EXOC3L2: variants seen among roughly 807,000 people sequenced by gnomAD.
EXOC3L2 encodes exocyst complex component 3-like protein 2.
A neutral mutation model predicts 44.4 loss-of-function variants in EXOC3L2; 17 were observed. The ratio of observed to expected loss-of-function variants is 0.38; its 90% confidence interval spans 0.26 to 0.57. The LOEUF is 0.57. Ranked by LOEUF, EXOC3L2 falls within the 20% of genes least tolerant of loss-of-function variation. The probability of loss-of-function intolerance (pLI) is 0.65; values close to 1 mark genes in which losing one functional copy is unlikely to be tolerated. For missense variants in EXOC3L2, 541 were observed against 588.4 expected (o/e 0.92, Z 0.83); for synonymous variants, 256 against 253.7 (o/e 1.01, Z -0.09).
At position 45,234,516 on chromosome 19, in the gene EXOC3L2, A is replaced by T. The variant is rs1001344003; in HGVS notation, c.834T>A (p.Gly278=). ...VQEEAADGRR[G]PGAARKLRAR... is the part of the protein sequence containing the mutation. ...CGCGTAGTTTGCGGGCCGCCCCGGG[A>T]CCCCGACGCCCGTCGGCCGCCTCCT... The change falls in exon 3 of 12, where the codon GGT becomes GGA. Residue 278 remains glycine, a synonymous_variant. Coordinates refer to ENST00000413988, the MANE Select transcript of EXOC3L2 (RefSeq NM_001382422.1). The surrounding 1 kb of genome is among the most constrained non-coding windows in gnomAD (Gnocchi z 5.0). The T allele has an allele frequency of 4.0e-6, 1 of 247,452 alleles. No homozygotes were observed. The highest frequency in any genetic ancestry group is 2.3e-5 in the African/African-American group (1 of 42,966). 15.3% of individuals were successfully genotyped at this position (247,452 alleles called of 1,614,324 possible).
chr19:45,239,000 G>A lies in EXOC3L2; in HGVS notation c.46C>T (p.Arg16Trp), dbSNP rs921879146. The A allele has an allele frequency of 1.3e-5, 5 of 399,084 alleles. No individual in the cohort carries two copies. Among genetic ancestry groups the A allele is most frequent in the Non-Finnish European group, 2.2e-5 (5 of 226,106 alleles). The allele number at this position is 399,084 out of a possible 1,614,324, so 24.7% of individuals were successfully genotyped here. The change falls in exon 2 of 12, where the codon CGG (arginine) becomes TGG (tryptophan). Residue 16 changes from arginine (R) to tryptophan (W), a missense_variant. Coordinates refer to ENST00000413988, the MANE Select transcript of EXOC3L2 (RefSeq NM_001382422.1). This position sits in a 1 kb window ranked among gnomAD's most constrained non-coding sequence, Gnocchi z 5.5. Reference sequence around the variant, plus strand: ...GACCTCAGGGGCAGGGTCCCCGCCCGGGGCACCTTAGGGTCTGACACTCCC... The same window carrying A: ...GACCTCAGGGGCAGGGTCCCCGCCCAGGGCACCTTAGGGTCTGACACTCCC... Reference protein sequence around the residue: ...NLGVSDPKVPRAGTLPLRSSR... With the variant: ...NLGVSDPKVPWAGTLPLRSSR...
chr19:45,235,300 A>AAAAT (rs909699012), intron 2 of EXOC3L2, among the ~76,000 whole-genome samples: 4 of 152,102 alleles, frequency 2.6e-5, no homozygotes, highest in African/African-American at 9.7e-5. Flanking sequence ...CTCTATCTCA[A>AAAAT]AAATAAATAA....
At chr19:45,243,222 G>A (rs936727434) in intron 1 of EXOC3L2, among the ~76,000 whole-genome samples, 1 of 152,164 alleles carries the variant, frequency 6.6e-6, no homozygotes, top group Non-Finnish European at 1.5e-5. Context: ...TGTGTAAAGG[G>A]TCAGATGTTC....
At chr19:45,214,456 GTGTTTGTTTGTT>G (rs57770472) in intron 11 of EXOC3L2, among the ~76,000 whole-genome samples, 1 of 151,328 alleles carries the variant, frequency 6.6e-6, no homozygotes, top group South Asian at 2.1e-4. Flanking sequence ...GTTTTTTTGT[GTGTTTGTTTGTT>G]TGTTTGTTTG....
chr19:45,244,197 A>T (rs573860641), intron 1 of EXOC3L2, among the ~76,000 whole-genome samples: 1 of 152,258 alleles, frequency 6.6e-6, no homozygotes, highest in African/African-American at 2.4e-5. Flanking sequence ...CTGGGATTAC[A>T]GTCATGAGCC....
At chr19:45,216,812 A>G (rs1969840208) in intron 10 of EXOC3L2, 1 of 152,116 alleles carries the variant, frequency 6.6e-6, no homozygotes, top group African/African-American at 2.4e-5. Flanking sequence ...CTGCATGTGA[A>G]TCTACAATTA....
At chr19:45,231,012 C>T (rs566670460) in intron 4 of EXOC3L2, among the ~76,000 whole-genome samples, 1 of 151,980 alleles carries the variant, frequency 6.6e-6, no homozygotes, top group African/African-American at 2.4e-5. Context: ...TCCCTTGAAC[C>T]CAGGAGTTCG....
At chr19:45,223,524 G>A (rs1969920903) in intron 8 of EXOC3L2, among the ~76,000 whole-genome samples, 1 of 151,608 alleles carries the variant, frequency 6.6e-6, no homozygotes, top group Admixed American at 6.6e-5. Context: ...TGTAATTTTA[G>A]TAGAGACGGG....
At chr19:45,233,013 C>G (rs1970046963) in intron 3 of EXOC3L2, among the ~76,000 whole-genome samples, 1 of 152,134 alleles carries the variant, frequency 6.6e-6, no homozygotes, top group Non-Finnish European at 1.5e-5. Context: ...GTTAGGAGTT[C>G]AAGACCAGCC....
At chr19:45,235,246 G>C (rs1006980262) in intron 2 of EXOC3L2, among the ~76,000 whole-genome samples, 1 of 152,156 alleles carries the variant, frequency 6.6e-6, no homozygotes, top group African/African-American at 2.4e-5. Flanking sequence ...AGTGAGCCGA[G>C]ATCGCGCCAC....
chr19:45,220,185 A>G (rs1020456101), intron 8 of EXOC3L2, among the ~76,000 whole-genome samples: 1 of 151,664 alleles, frequency 6.6e-6, no homozygotes, highest in African/African-American at 2.4e-5. Flanking sequence ...AAAATAAATA[A>G]ATAAATTAAT....
chr19:45,236,910 C>G (rs533237157), intron 2 of EXOC3L2, among the ~76,000 whole-genome samples: 1 of 150,982 alleles, frequency 6.6e-6, no homozygotes, highest in East Asian at 1.9e-4. Context: ...GAGGTTGAGA[C>G]AGGAGAATCG....
In EXOC3L2 at chr19:45,238,506, C is replaced by A; in HGVS notation, c.523+17G>T. 1 of 399,566 alleles carries A rather than the reference C, an allele frequency of 2.5e-6. No homozygotes were observed. Among genetic ancestry groups the A allele is most frequent in the South Asian group, 1.3e-4 (1 of 7,862 alleles). 24.8% of individuals were successfully genotyped at this position (399,566 alleles called of 1,614,324 possible). A position where few individuals can be genotyped will look rare whatever the true frequency, so the allele number is the denominator to read the frequency against. On this transcript the variant is annotated intron_variant, in intron 2 of 11. Transcript: ENST00000413988. This position sits in a 1 kb window ranked among gnomAD's most constrained non-coding sequence, Gnocchi z 5.5. ...CACTGGGATTCTCCCAGGACAGGGT[C>A]AGGGCTCCGGACTCACCTGACAATG...
intron 8 of EXOC3L2, among the ~76,000 whole-genome samples, chr19:45,218,552 C>A (rs1431890301): frequency 1.3e-5 from 2 of 152,042 alleles, no homozygotes; most frequent in Admixed American, 1.3e-4. Context: ...GACTCGGGAA[C>A]CCAGGGGTTT....
chr19:45,216,758 C>T (rs896990721), intron 10 of EXOC3L2: 7 of 152,448 alleles, frequency 4.6e-5, no homozygotes, highest in African/African-American at 1.7e-4. Flanking sequence ...GGGATGGAGA[C>T]TGGACAAAGT....
chr19:45,225,554 C>T (rs1416806232), intron 7 of EXOC3L2, among the ~76,000 whole-genome samples: 3 of 151,896 alleles, frequency 2.0e-5, no homozygotes, highest in African/African-American at 2.4e-5. Context: ...AGGCATGAGC[C>T]GCCGCACCCG....
At chr19:45,244,415 T>C (rs1280870359) in intron 1 of EXOC3L2, among the ~76,000 whole-genome samples, 1 of 152,122 alleles carries the variant, frequency 6.6e-6, no homozygotes, top group Non-Finnish European at 1.5e-5. Flanking sequence ...GCCTCCAAAC[T>C]GGATCCAACA....
intron 8 of EXOC3L2, among the ~76,000 whole-genome samples, chr19:45,219,010 G>A (rs1433131016): frequency 2.6e-5 from 4 of 151,962 alleles, no homozygotes; most frequent in Admixed American, 1.3e-4. Flanking sequence ...AGGCTGCGGC[G>A]GGTGGATCAC....
intron 1 of EXOC3L2, among the ~76,000 whole-genome samples, chr19:45,240,282 A>AATTT (rs565312801): frequency 0.021 from 3,231 of 150,874 alleles, 47 homozygotes; most frequent in Non-Finnish European, 0.034. Flanking sequence ...TTAATTAATT[A>AATTT]ATTTATTTAT....
Sources: allele counts gnomAD v4.1 joint callset (sites outside exome capture counted in the v4.1 genomes callset), GRCh38; gene constraint gnomAD v4.1.1; non-coding constraint Gnocchi (gnomAD v3.1); transcripts MANE v1.5; gene names NCBI Gene and HGNC (gene_info 2026-07-23, HGNC 2026-07-21).